Variants in IDE observed in about 807,000 individuals in gnomAD.
IDE encodes insulin degrading enzyme, also known as insulin-degrading enzyme.
In IDE, 58 loss-of-function variants were observed where a neutral mutation model predicts 133.2. That is an observed-to-expected ratio of 0.44 (90% confidence interval 0.35 to 0.54). The LOEUF (loss-of-function observed/expected upper bound fraction) is 0.54, where lower values mean the gene tolerates loss of function less well. Among genes scored for constraint, IDE ranks in the 20% least tolerant of loss-of-function variants. The pLI, the probability that IDE is intolerant of heterozygous loss-of-function variation, is 0.00. For synonymous variants in IDE, 396 were observed against 421.3 expected (o/e 0.94, Z 0.73); for missense variants, 981 against 1,234.0 (o/e 0.79, Z 3.07).
intron 5 of IDE, among the ~76,000 whole-genome samples, chr10:92,510,617 A>T (rs1385140701): frequency 6.6e-6 from 1 of 151,696 alleles, no homozygotes; most frequent in East Asian, 1.9e-4. Flanking sequence ...TGCACATTTT[A>T]TATGTGTGTG....
chr10:92,490,983 A>T (rs1847306847), intron 11 of IDE, among the ~76,000 whole-genome samples: 1 of 152,200 alleles, frequency 6.6e-6, no homozygotes, highest in African/African-American at 2.4e-5. Flanking sequence ...TATGCCTGAA[A>T]TCCCAGCACT....
intron 1 of IDE, among the ~76,000 whole-genome samples, chr10:92,562,117 T>C (rs1843311261): frequency 6.6e-6 from 1 of 152,204 alleles, no homozygotes; most frequent in Non-Finnish European, 1.5e-5. Context: ...GTTACCAGAT[T>C]ATCCCTTTTT....
chr10:92,482,071 A>G (rs1171324256), intron 14 of IDE, among the ~76,000 whole-genome samples: 1 of 152,232 alleles, frequency 6.6e-6, no homozygotes, highest in Non-Finnish European at 1.5e-5. Context: ...ATAAAACCAC[A>G]ATATTTATAA....
At chr10:92,572,182 A>C (rs1843817338) in intron 1 of IDE, among the ~76,000 whole-genome samples, 1 of 152,230 alleles carries the variant, frequency 6.6e-6, no homozygotes, top group African/African-American at 2.4e-5. Context: ...TACAAAACTT[A>C]AAATTGGTGC....
intron 7 of IDE, 117 bp from the exon 8 acceptor site, chr10:92,508,322 G>T: frequency 2.5e-6 from 2 of 789,332 alleles, no homozygotes; most frequent in East Asian, 2.5e-5. Context: ...AACCTCTTGC[G>T]AAAAGATTGG....
chr10:92,514,305 T>C (rs1455201416), intron 5 of IDE, among the ~76,000 whole-genome samples: 1 of 152,112 alleles, frequency 6.6e-6, no homozygotes, highest in African/African-American at 2.4e-5. Context: ...ACAATGTTAG[T>C]AGTTAATCTG....
chr10:92,514,902 A>G lies in IDE; in HGVS notation c.784+18T>C, dbSNP rs745900272. ...ACTTATATTATCCAATTCTATAAAA[A>G]ATTGTAAGGGTTCTTACCTCGACCT... On this transcript the variant is annotated intron_variant, in intron 5 of 24. Transcript: ENST00000265986. 11 of 1,599,112 alleles carry G rather than the reference A, an allele frequency of 6.9e-6. No homozygotes were observed. In the South Asian group the frequency reaches 9.1e-5, roughly 13 times the overall value.
In IDE at chr10:92,457,295, A is replaced by C. The variant is rs551476434; in HGVS notation, c.2824-864T>G. On this transcript the variant is annotated intron_variant, in intron 22 of 24. Transcript: ENST00000265986. Reference sequence around the variant, plus strand: ...CAAAAGAGAAAGGAAACTAACAATTACTGAGTCCTGCGTTATATCAGGCAC... The same window carrying C: ...CAAAAGAGAAAGGAAACTAACAATTCCTGAGTCCTGCGTTATATCAGGCAC... 2.6e-5 allele frequency among the ~76,000 whole-genome samples: 4 copies of C among 152,284 alleles called. No homozygotes were observed. In the East Asian group the frequency reaches 7.7e-4, roughly 29 times the overall value.
intron 22 of IDE, among the ~76,000 whole-genome samples, chr10:92,460,245 G>A (rs1845299854): frequency 6.6e-6 from 1 of 152,114 alleles, no homozygotes; most frequent in Non-Finnish European, 1.5e-5. Flanking sequence ...TAATATCTCT[G>A]ACCACAATTC....
At chr10:92,519,160 AT>A (rs1849082114) in intron 4 of IDE, among the ~76,000 whole-genome samples, 1 of 152,212 alleles carries the variant, frequency 6.6e-6, no homozygotes, top group Non-Finnish European at 1.5e-5. Context: ...TTCTGAGTGA[AT>A]CATTATACAA....
chr10:92,536,469 C>A (rs188828928), intron 2 of IDE, among the ~76,000 whole-genome samples: 1 of 150,482 alleles, frequency 6.6e-6, no homozygotes, highest in Non-Finnish European at 1.5e-5. Context: ...GAGGCCGAGG[C>A]GGGCAGATCA....
At chr10:92,475,659 T>A (rs1310161625) in intron 16 of IDE, among the ~76,000 whole-genome samples, 2 of 152,070 alleles carry the variant, frequency 1.3e-5, no homozygotes, top group African/African-American at 4.8e-5. Context: ...TGCAGTGAGC[T>A]CTTGGCACCC....
At chr10:92,547,247 GTA>G (rs1185731002) in intron 1 of IDE, among the ~76,000 whole-genome samples, 1 of 76,338 alleles carries the variant, frequency 1.3e-5, no homozygotes, top group Admixed American at 1.5e-4. Context: ...CTAATTTTTT[GTA>G]TTTTTTTTTT....
rs1012285993 is a variant in IDE, at chr10:92,452,795, C to T, written c.*1649G>A. On this transcript the variant is annotated 3_prime_UTR_variant, in exon 25 of 25. Coordinates refer to ENST00000265986, the MANE Select transcript of IDE (RefSeq NM_004969.4). ...TATATACTTGCAGTTTAATGAAAAGCTGCATAGTCTACAAATACATAAAAC... is the reference window on the plus strand; with the variant it reads ...TATATACTTGCAGTTTAATGAAAAGTTGCATAGTCTACAAATACATAAAAC... 6.6e-6 allele frequency: 1 copy of T among 152,136 alleles called. No individual in the cohort carries two copies. Among genetic ancestry groups the T allele is most frequent in the African/African-American group, 2.4e-5 (1 of 41,420 alleles). The allele number at this position is 152,136 out of a possible 1,614,324, so 9.4% of individuals were successfully genotyped here. A position where few individuals can be genotyped will look rare whatever the true frequency, so the allele number is the denominator to read the frequency against.
chr10:92,535,432 T>C (rs1841946647), intron 2 of IDE, among the ~76,000 whole-genome samples: 1 of 152,072 alleles, frequency 6.6e-6, no homozygotes, highest in South Asian at 2.1e-4. Flanking sequence ...CATGATTTCA[T>C]TGCAGGAGAC....
chr10:92,542,644 G>GT (rs1385071306), intron 1 of IDE, among the ~76,000 whole-genome samples: 1 of 152,238 alleles, frequency 6.6e-6, no homozygotes, highest in Non-Finnish European at 1.5e-5. Flanking sequence ...CACTATGGGA[G>GT]TAACCCTGTC....
At chr10:92,553,251 C>A (rs982783072) in intron 1 of IDE, among the ~76,000 whole-genome samples, 5 of 151,944 alleles carry the variant, frequency 3.3e-5, no homozygotes, top group African/African-American at 9.7e-5. Context: ...TGGTGAAATC[C>A]TGTCTCTATT....
intron 15 of IDE, chr10:92,478,673 C>T: frequency 7.9e-7 from 1 of 1,264,738 alleles, no homozygotes; most frequent in Non-Finnish European, 1.0e-6. Flanking sequence ...TGATGCAATG[C>T]CATAGCTCAA....
At position 92,464,018 on chromosome 10, in the gene IDE, T is replaced by A. The variant is rs781056983; in HGVS notation, c.2489-15A>T. 6.2e-7 allele frequency: 1 copy of A among 1,604,534 alleles called. No homozygotes were observed. The highest frequency in any genetic ancestry group is 8.5e-7 in the Non-Finnish European group (1 of 1,173,008). On this transcript the variant is annotated splice_polypyrimidine_tract_variant and intron_variant, in intron 20 of 24. Coordinates refer to ENST00000265986, the MANE Select transcript of IDE (RefSeq NM_004969.4). ...GACGATATAGCCTGAAACACAGACA[T>A]CAGCCAGTCATGACCGTGGCATTTG...
Sources: allele counts gnomAD v4.1 joint callset (sites outside exome capture counted in the v4.1 genomes callset), GRCh38; gene constraint gnomAD v4.1.1; transcripts MANE v1.5; gene names NCBI Gene and HGNC (gene_info 2026-07-23, HGNC 2026-07-21).